Variants in CHMP1A observed in about 807,000 individuals in gnomAD.
CHMP1A encodes VPS46 homolog A.
Under a neutral mutation model 27.0 loss-of-function variants are expected in CHMP1A, and 17 were observed. The ratio of observed to expected loss-of-function variants is 0.63; its 90% CI spans 0.43 to 0.95. The LOEUF is 0.95. CHMP1A is among the 40% of genes least tolerant of loss of function. CHMP1A has a pLI of 0.00. For synonymous variants in CHMP1A, 131 were observed against 107.5 expected (o/e 1.22, Z -1.35); for missense variants, 275 against 264.0 (o/e 1.04, Z -0.29).
At position 89,645,571 on chromosome 16, in the gene CHMP1A, G is replaced by T. The variant is rs74679687; in HGVS notation, c.*495C>A. On this transcript the variant is annotated 3_prime_UTR_variant, in exon 7 of 7. Transcript: ENST00000397901. The stretch of plus-strand genomic sequence containing the variant: ...TGTCATTGTAAATACCACCAGGACA[G>T]CGTTGGGTGGCACCTGACATCCCCC... 8.1e-3 allele frequency: 1,798 copies of T among 221,466 alleles called. 32 individuals carry two copies. Among genetic ancestry groups the T allele is most frequent in the African/African-American group, 0.041 (1,720 of 42,116 alleles). The allele number at this position is 221,466 out of a possible 1,614,324, so 13.7% of individuals were successfully genotyped here. A position where few individuals can be genotyped will look rare whatever the true frequency, so the allele number is the denominator to read the frequency against.
Position 89,647,187 on chromosome 16 carries a change from G to A in CHMP1A, c.381+16C>T, listed in dbSNP as rs777153230. On this transcript the variant is annotated intron_variant, in intron 5 of 6. Transcript: ENST00000397901. ...CTTGTCCCCAGGCCACAGCCCCAAG[G>A]GTAGGGGCCACATACCGATGTATGG... 6 of 1,607,164 alleles carry A rather than the reference G, an allele frequency of 3.7e-6. No homozygotes were observed. In the Admixed American group the frequency reaches 6.8e-5, roughly 18 times the overall value.
intron 3 of CHMP1A, among the ~76,000 whole-genome samples, chr16:89,650,548 G>A (rs1198199918): frequency 6.6e-6 from 1 of 152,212 alleles, no homozygotes; most frequent in African/African-American, 2.4e-5. Flanking sequence ...GCTCATGCCT[G>A]TAATCCCAGC....
At chr16:89,656,374 C>A (rs113890158) in intron 1 of CHMP1A, among the ~76,000 whole-genome samples, 1 of 149,950 alleles carries the variant, frequency 6.7e-6, no homozygotes, top group African/African-American at 2.5e-5. Context: ...CCTGACCTTG[C>A]GATCCGCCGG....
intron 4 of CHMP1A, among the ~76,000 whole-genome samples, chr16:89,649,016 C>A (rs2059803296): frequency 6.6e-6 from 1 of 151,312 alleles, no homozygotes. Flanking sequence ...CAGAGCAAGA[C>A]AGTCTCTAAA....
rs1473281454 is a variant in CHMP1A at position 89,657,583 on chromosome 16, G to A, written c.6C>T (p.Asp2=). The part of the protein sequence containing the change: M[D]DTLFQLKFTA... ...CGGAGGACGGCCGCGACCTCTTACC[G>A]TCCATGGCCACAATGACAGGAGCAG... The change falls in exon 1 of 7, where the codon GAC becomes GAT. Residue 2 remains aspartate, a splice_region_variant and synonymous_variant. Transcript: ENST00000397901. The A allele has an allele frequency of 1.2e-6, 2 of 1,611,206 alleles. No individual in the cohort carries two copies. Among genetic ancestry groups the A allele is most frequent in the South Asian group, 1.1e-5 (1 of 91,012 alleles).
rs576369530 is a variant in CHMP1A at position 89,656,010 on chromosome 16, G to A, written c.7+1572C>T. 6.7e-4 allele frequency among the ~76,000 whole-genome samples: 102 copies of A among 151,898 alleles called. 1 individual carries two copies. Among genetic ancestry groups the A allele is most frequent in the Admixed American group, 1.4e-3 (21 of 15,258 alleles). On this transcript the variant is annotated intron_variant, in intron 1 of 6. Coordinates refer to ENST00000397901, the MANE Select transcript of CHMP1A (RefSeq NM_002768.5). ...GTTACAGGCCTGAGCCACCACACCC[G>A]GCCTGGCCAGCATATTTTTTGTGGC...
intron 2 of CHMP1A, among the ~76,000 whole-genome samples, chr16:89,652,242 C>T (rs575706041): frequency 5.3e-5 from 8 of 152,206 alleles, no homozygotes; most frequent in Admixed American, 2.0e-4. Flanking sequence ...GAACCACAGA[C>T]GCCCTGGTAC....
At position 89,645,022 on chromosome 16, in the gene CHMP1A, A is replaced by T. The variant is rs970672781; in HGVS notation, c.*1044T>A. 6.6e-6 allele frequency: 1 copy of T among 152,482 alleles called. No individual in the cohort carries two copies. Among genetic ancestry groups the T allele is most frequent in the African/African-American group, 2.4e-5 (1 of 41,470 alleles). The allele number at this position is 152,482 out of a possible 1,614,324, so 9.4% of individuals were successfully genotyped here. A position where few individuals can be genotyped will look rare whatever the true frequency, so the allele number is the denominator to read the frequency against. On this transcript the variant is annotated 3_prime_UTR_variant, in exon 7 of 7. Coordinates refer to ENST00000397901, the MANE Select transcript of CHMP1A (RefSeq NM_002768.5). Reference sequence around the variant, plus strand: ...TCCCAAGAGCTGCTGGTGACTCTCCAGGGCCACAATGGCAGGTTTTCCTCA... The same window carrying T: ...TCCCAAGAGCTGCTGGTGACTCTCCTGGGCCACAATGGCAGGTTTTCCTCA...
chr16:89,653,164 C>T (rs1038301976), intron 2 of CHMP1A, among the ~76,000 whole-genome samples: 2 of 150,872 alleles, frequency 1.3e-5, no homozygotes, highest in African/African-American at 4.8e-5. Flanking sequence ...ACTACAGGTG[C>T]CTGCCACCGC....
At chr16:89,654,660 T>C (rs1193967153) in intron 1 of CHMP1A, among the ~76,000 whole-genome samples, 1 of 151,850 alleles carries the variant, frequency 6.6e-6, no homozygotes, top group African/African-American at 2.4e-5. Flanking sequence ...ATATATTTTT[T>C]TGCCGGGTGC....
At chr16:89,650,279 A>G (rs1156319692) in intron 3 of CHMP1A, among the ~76,000 whole-genome samples, 1 of 151,736 alleles carries the variant, frequency 6.6e-6, no homozygotes, top group Non-Finnish European at 1.5e-5. Flanking sequence ...CCTGGGCTCA[A>G]GCAATTCTCC....
chr16:89,654,542 G>A (rs966953502), intron 1 of CHMP1A, among the ~76,000 whole-genome samples: 1 of 152,146 alleles, frequency 6.6e-6, no homozygotes, highest in Non-Finnish European at 1.5e-5. Context: ...AGTCGCTCAC[G>A]CCTGTAATCA....
chr16:89,655,118 C>A (rs2059854414), intron 1 of CHMP1A, among the ~76,000 whole-genome samples: 1 of 152,122 alleles, frequency 6.6e-6, no homozygotes, highest in South Asian at 2.1e-4. Flanking sequence ...CACAAATGCA[C>A]ACCAAGGCTC....
At chr16:89,649,054 C>G (rs905068629) in intron 4 of CHMP1A, 1 of 355,640 alleles carries the variant, frequency 2.8e-6, no homozygotes, top group Non-Finnish European at 5.0e-6. Context: ...AAAAAAAGCC[C>G]AAGTCTTATC....
intron 1 of CHMP1A, among the ~76,000 whole-genome samples, chr16:89,656,184 T>G (rs531205296): frequency 6.6e-6 from 1 of 152,376 alleles, no homozygotes; most frequent in African/African-American, 2.4e-5. Flanking sequence ...TCGCCCAGGC[T>G]GGAGTGAAGT....
chr16:89,653,724 C>G (rs1482489411), intron 2 of CHMP1A, among the ~76,000 whole-genome samples, 180 bp downstream of exon 2: 1 of 151,260 alleles, frequency 6.6e-6, no homozygotes, highest in Admixed American at 6.6e-5. Flanking sequence ...AAGAAAAGAG[C>G]TAATATGTCA....
At chr16:89,655,905 C>T (rs559945916) in intron 1 of CHMP1A, among the ~76,000 whole-genome samples, 3 of 152,298 alleles carry the variant, frequency 2.0e-5, no homozygotes, top group East Asian at 3.9e-4. Context: ...GGGTTACAGG[C>T]GTGAGCCACC....
intron 5 of CHMP1A, 89 bp downstream of exon 5, chr16:89,647,114 A>G: frequency 6.5e-7 from 1 of 1,549,412 alleles, no homozygotes; most frequent in Non-Finnish European, 8.7e-7. Flanking sequence ...CAGAGACAGC[A>G]CGTCAGCCTG....
rs568606764 is a variant in CHMP1A, at chr16:89,652,673, A to G, written c.28-1027T>C. On this transcript the variant is annotated intron_variant, in intron 2 of 6. Transcript: ENST00000397901. ...TGGCCACCACAGCACCACAGGGTGC[A>G]GGACACAAGCAGGCCTCAGCCGGTC... Among the ~76,000 whole-genome samples, 33 of 152,388 alleles carry G rather than the reference A, an allele frequency of 2.2e-4. 1 individual carries two copies. The East Asian group carries it at 5.6e-3, about 26-fold the overall frequency.
Sources: gnomAD v4.1 joint callset for allele counts (sites outside exome capture counted in the v4.1 genomes callset) on GRCh38, gnomAD v4.1.1 for gene constraint, MANE v1.5 for transcripts, NCBI Gene and HGNC (gene_info 2026-07-23, HGNC 2026-07-21) for gene names.